The following RPL6 variants were observed in gnomAD, a reference collection of about 807,000 sequenced individuals.
RPL6 encodes the protein ribosomal protein L6, also known as large ribosomal subunit protein eL6.
Under a neutral mutation model 32.1 loss-of-function variants are expected in RPL6, and 1 was observed. The ratio of observed to expected loss-of-function variants is 0.03; its 90% CI spans 0.01 to 0.15. The LOEUF is 0.15. Among genes scored for constraint, RPL6 ranks in the 10% least tolerant of loss-of-function variants. The pLI is 1.00. For missense variants in RPL6, 275 were observed against 354.6 expected, an observed-to-expected ratio of 0.78 and a Z score of 1.80; for synonymous variants, 126 against 131.6, an observed-to-expected ratio of 0.96 and a Z score of 0.29.
chr12:112,405,524 C>A, intron 6 of RPL6, 148 bp from the exon 7 acceptor site: 1 of 830,712 alleles, frequency 1.2e-6, no homozygotes, highest in Admixed American at 3.0e-5. Context: ...CCTTGGAATG[C>A]TGTGAAACAC....
chr12:112,405,534 C>A, intron 6 of RPL6, 158 bp from the exon 7 acceptor site: 1 of 779,756 alleles, frequency 1.3e-6, no homozygotes, highest in Non-Finnish European at 2.0e-6. Context: ...CTGTGAAACA[C>A]AACCCATTTT....
At chr12:112,406,634 C>T (rs912897546) in intron 4 of RPL6, 113 bp downstream of exon 4, 11 of 1,377,062 alleles carry the variant, frequency 8.0e-6, no homozygotes, top group Non-Finnish European at 1.1e-5. Context: ...AGATCATTTC[C>T]CCTTGCCCCA....
intron 3 of RPL6, chr12:112,407,498 G>A (rs766038780): frequency 3.3e-5 from 5 of 152,800 alleles, no homozygotes; most frequent in African/African-American, 9.6e-5. Context: ...ATGGGAAAAC[G>A]AGTTCACAAA....
intron 1 of RPL6, among the ~76,000 whole-genome samples, chr12:112,415,549 C>T (rs546002673): frequency 2.4e-4 from 36 of 152,132 alleles, no homozygotes; most frequent in Non-Finnish European, 4.9e-4. Flanking sequence ...CCTGTCTCTA[C>T]TAAAGATACA....
intron 1 of RPL6, among the ~76,000 whole-genome samples, chr12:112,416,430 C>T (rs1037804925): frequency 1.3e-5 from 2 of 152,134 alleles, no homozygotes; most frequent in African/African-American, 2.4e-5. Context: ...TGAGCCACCG[C>T]GCCCAGCCCT....
intron 6 of RPL6, 117 bp downstream of exon 6, chr12:112,405,736 T>C: frequency 1.2e-6 from 1 of 835,670 alleles, no homozygotes. Flanking sequence ...ACTAAGTATC[T>C]CCCAGCATTC....
chr12:112,408,375 C>T (rs1324355301), intron 2 of RPL6, 37 bp from the exon 3 acceptor site: 1 of 1,613,218 alleles, frequency 6.2e-7, no homozygotes, highest in South Asian at 1.1e-5. Flanking sequence ...TAAGAGAATG[C>T]CAATTAAGGT....
intron 3 of RPL6, chr12:112,407,510 C>T (rs142359506): frequency 3.9e-5 from 6 of 152,880 alleles, no homozygotes; most frequent in Non-Finnish European, 7.3e-5. Context: ...GTTCACAAAA[C>T]AACTGTCATC....
At chr12:112,414,641 C>G (rs1262402875), upstream of RPL6, among the ~76,000 whole-genome samples, 2 of 152,160 alleles carry the variant, frequency 1.3e-5, no homozygotes, top group Non-Finnish European at 2.9e-5. Flanking sequence ...CCGTGGCTCA[C>G]GCCTGTAATT....
At chr12:112,406,126 C>T (rs2037158200) in intron 5 of RPL6, 89 bp from the exon 6 acceptor site, 3 of 1,292,394 alleles carry the variant, frequency 2.3e-6, no homozygotes, top group South Asian at 1.3e-5. Flanking sequence ...TGTTGCTACA[C>T]AAAGAAGACC....
chr12:112,406,662 G>C, intron 4 of RPL6, 85 bp downstream of exon 4: 2 of 1,522,898 alleles, frequency 1.3e-6, no homozygotes, highest in Non-Finnish European at 1.8e-6. Context: ...GTAAATAAAG[G>C]AAAAGTACAC....
chr12:112,406,311 C>T lies in RPL6; in HGVS notation c.512G>A (p.Gly171Asp), dbSNP rs1225820303. The stretch of plus-strand genomic sequence containing the variant: ...TTTCTTACCAGTCACAAGTAATAAG[C>T]CACTAGCCAGCTGCTTCAGGAAAAC... ...RVVFLKQLAS[G>D]LLLVTGPLVL... The change falls in exon 5 of 7, where the codon GGC becomes GAC. Residue 171 changes from glycine (G) to aspartate (D), a missense_variant. Physicochemically the swap from Gly to Asp is moderately conservative, Grantham distance 94. Coordinates refer to ENST00000202773, the MANE Select transcript of RPL6 (RefSeq NM_000970.6). The T allele has an allele frequency of 1.2e-6, 2 of 1,613,584 alleles. No individual in the cohort carries two copies. The highest frequency in any genetic ancestry group is 1.7e-6 in the Non-Finnish European group (2 of 1,179,538).
chr12:112,416,133 ATTTTTTTTTTTT>A (rs1168421826), intron 1 of RPL6, among the ~76,000 whole-genome samples: 1 of 51,052 alleles, frequency 2.0e-5, no homozygotes, highest in Non-Finnish European at 3.7e-5. Context: ...TAAATTTTGT[ATTTTTTTTTTTT>A]TTTTTTTTTT....
At chr12:112,406,402 T>G in intron 4 of RPL6, 60 bp from the exon 5 acceptor site, 1 of 1,432,572 alleles carries the variant, frequency 7.0e-7, no homozygotes. Flanking sequence ...TCTGAATTCA[T>G]AAAATCACAG....
chr12:112,415,451 G>A (rs1218182523), intron 1 of RPL6, among the ~76,000 whole-genome samples: 1 of 152,094 alleles, frequency 6.6e-6, no homozygotes, highest in Non-Finnish European at 1.5e-5. Flanking sequence ...GGTGGCTCAC[G>A]CCTGTAATCC....
chr12:112,413,342 C>A (rs2037362153), upstream of RPL6, among the ~76,000 whole-genome samples: 1 of 152,134 alleles, frequency 6.6e-6, no homozygotes, highest in South Asian at 2.1e-4. Flanking sequence ...CGAGACCATC[C>A]TGGCTAACAC....
In RPL6 at chr12:112,406,681, C is replaced by A. The variant is rs889179559; in HGVS notation, c.480+66G>T. On this transcript the variant is annotated intron_variant, in intron 4 of 6. Coordinates refer to ENST00000202773, the MANE Select transcript of RPL6 (RefSeq NM_000970.6). Reference sequence around the variant, plus strand: ...ATAAAGGAAAAGTACACCTAGCGTGCAAACGCATTGCCACCAGGCACCCCA... The same window carrying A: ...ATAAAGGAAAAGTACACCTAGCGTGAAAACGCATTGCCACCAGGCACCCCA... 11 of 1,592,210 alleles carry A rather than the reference C, an allele frequency of 6.9e-6. No individual in the cohort carries two copies. The African/African-American group carries it at 1.1e-4, about 16-fold the overall frequency.
intron 3 of RPL6, 125 bp from the exon 4 acceptor site, chr12:112,407,015 T>C: frequency 1.1e-6 from 1 of 939,686 alleles, no homozygotes; most frequent in Non-Finnish European, 1.6e-6. Context: ...TTTATATGAT[T>C]CCATTTTCAT....
chr12:112,413,852 C>A (rs1011308507), upstream of RPL6, among the ~76,000 whole-genome samples: 1 of 150,006 alleles, frequency 6.7e-6, no homozygotes. Flanking sequence ...ATGGCAAAAC[C>A]CTGTCTGTAT....
Sources: gnomAD v4.1 joint callset for allele counts (sites outside exome capture counted in the v4.1 genomes callset) on GRCh38, gnomAD v4.1.1 for gene constraint, MANE v1.5 for transcripts, NCBI Gene and HGNC (gene_info 2026-07-23, HGNC 2026-07-21) for gene names.